ST6GALNAC3: variants seen among roughly 807,000 people sequenced by gnomAD.
ST6GALNAC3 encodes the protein alpha-N-acetylgalactosaminide alpha-2,6-sialyltransferase 3.
In ST6GALNAC3, 25 loss-of-function variants were observed where a neutral mutation model predicts 32.7. That is an observed-to-expected ratio of 0.76 (90% CI 0.56 to 1.07). The LOEUF (loss-of-function observed/expected upper bound fraction) is 1.07. Among genes scored for constraint, ST6GALNAC3 ranks in the 50% least tolerant of loss-of-function variants. The pLI, the probability that ST6GALNAC3 is intolerant of heterozygous loss-of-function variation, is 0.00. For synonymous variants in ST6GALNAC3, 129 were observed against 133.1 expected (o/e 0.97, Z 0.21); for missense variants, 355 against 382.4 (o/e 0.93, Z 0.60).
chr1:76,225,585 G>A (rs918285843), intron 1 of ST6GALNAC3, among the ~76,000 whole-genome samples: 11 of 152,130 alleles, frequency 7.2e-5, no homozygotes, highest in Admixed American at 7.2e-4. Context: ...GTTTATTCAG[G>A]AGCTGGCTTC....
intron 1 of ST6GALNAC3, among the ~76,000 whole-genome samples, chr1:76,303,099 T>A (rs1000915106): frequency 2.0e-5 from 2 of 101,960 alleles, no homozygotes; most frequent in Non-Finnish European, 4.8e-5. Flanking sequence ...AAGGTCACAG[T>A]CCTATGCAAG....
chr1:76,166,252 T>A (rs1460674770), intron 1 of ST6GALNAC3, among the ~76,000 whole-genome samples: 1 of 152,198 alleles, frequency 6.6e-6, no homozygotes, highest in African/African-American at 2.4e-5. Context: ...AACAACTTAC[T>A]GAATAGGGAA....
chr1:76,583,807 G>A (rs895373312), intron 3 of ST6GALNAC3, among the ~76,000 whole-genome samples: 2 of 152,174 alleles, frequency 1.3e-5, no homozygotes, highest in Admixed American at 6.5e-5. Flanking sequence ...GACTGAAGTA[G>A]AATTAATTTT....
At chr1:76,183,930 A>T (rs908484803) in intron 1 of ST6GALNAC3, among the ~76,000 whole-genome samples, 46 of 148,560 alleles carry the variant, frequency 3.1e-4, no homozygotes, top group African/African-American at 1.1e-3. Context: ...ATTATTATAT[A>T]TATACATATA....
At chr1:76,242,295 G>T (rs775524424) in intron 1 of ST6GALNAC3, among the ~76,000 whole-genome samples, 1 of 152,090 alleles carries the variant, frequency 6.6e-6, no homozygotes, top group Non-Finnish European at 1.5e-5. Context: ...GGAAAACCCT[G>T]GGGGAGAGGA....
At chr1:76,514,939 A>G (rs1257080667) in intron 3 of ST6GALNAC3, among the ~76,000 whole-genome samples, 1 of 152,050 alleles carries the variant, frequency 6.6e-6, no homozygotes, top group African/African-American at 2.4e-5. Context: ...GAGAATTTTT[A>G]TGTCTATGTT....
At chr1:76,482,994 C>G (rs1012432473) in intron 3 of ST6GALNAC3, among the ~76,000 whole-genome samples, 4 of 150,716 alleles carry the variant, frequency 2.7e-5, no homozygotes, top group Non-Finnish European at 2.9e-5. Flanking sequence ...TTTGTCCTTG[C>G]GACAGTTTGC....
In ST6GALNAC3 at chr1:76,417,983, G is replaced by A. The variant is rs552599349; in HGVS notation, c.623+5566G>A. Among the ~76,000 whole-genome samples the A allele has an allele frequency of 5.3e-5, 8 of 152,118 alleles. No individual in the cohort carries two copies. The South Asian group carries it at 1.5e-3, about 28-fold the overall frequency. On this transcript the variant is annotated intron_variant, in intron 3 of 4. Transcript: ENST00000328299. ...AATCAATTTCTAAAAACATAAAATGGGACACTGATTTGTGAATACAGTATC... is the reference window on the plus strand; with the variant it reads ...AATCAATTTCTAAAAACATAAAATGAGACACTGATTTGTGAATACAGTATC...
intron 1 of ST6GALNAC3, among the ~76,000 whole-genome samples, chr1:76,272,887 G>A (rs1282107601): frequency 6.6e-6 from 1 of 152,136 alleles, no homozygotes; most frequent in Non-Finnish European, 1.5e-5. Context: ...GGGAACTGAG[G>A]GCTATCTTTT....
intron 1 of ST6GALNAC3, among the ~76,000 whole-genome samples, chr1:76,273,689 A>G (rs1658978938): frequency 6.6e-6 from 1 of 152,262 alleles, no homozygotes; most frequent in South Asian, 2.1e-4. Flanking sequence ...TATTAACATA[A>G]CGTGGCATAT....
chr1:76,299,301 A>G (rs4335414), intron 1 of ST6GALNAC3, among the ~76,000 whole-genome samples: 150,907 of 152,088 alleles, frequency 0.99, 74,874 homozygotes, highest in Middle Eastern at 1. Context: ...TTGATCAGGC[A>G]TACGAAATAC....
chr1:76,113,876 A>G (rs1193282515), intron 1 of ST6GALNAC3, among the ~76,000 whole-genome samples: 2 of 150,766 alleles, frequency 1.3e-5, no homozygotes, highest in African/African-American at 4.9e-5. Flanking sequence ...ACCCAGCTGG[A>G]GTGCAATGGC....
intron 3 of ST6GALNAC3, among the ~76,000 whole-genome samples, chr1:76,609,667 A>T (rs1395790965): frequency 1.3e-5 from 2 of 152,210 alleles, no homozygotes; most frequent in African/African-American, 4.8e-5. Context: ...GCTACATAGT[A>T]TATTTTCTTC....
rs530549771 is a variant in ST6GALNAC3 at position 76,509,237 on chromosome 1, A to G, written c.623+96820A>G. 1.8e-4 allele frequency among the ~76,000 whole-genome samples: 27 copies of G among 152,316 alleles called. No homozygotes were observed. The highest frequency in any genetic ancestry group is 6.3e-4 in the African/African-American group (26 of 41,576). On this transcript the variant is annotated intron_variant, in intron 3 of 4. Coordinates refer to ENST00000328299, the MANE Select transcript of ST6GALNAC3 (RefSeq NM_152996.4). This position sits in a 1 kb window ranked among gnomAD's most constrained non-coding sequence, Gnocchi z 5.5. ...AAACAAACAGGAAAACACAAATTGG[A>G]AGATAAATAAAAGGGGCAGCAGGCA...
At chr1:76,420,994 C>T (rs1337830640) in intron 3 of ST6GALNAC3, among the ~76,000 whole-genome samples, 5 of 151,966 alleles carry the variant, frequency 3.3e-5, no homozygotes, top group Admixed American at 1.3e-4. Flanking sequence ...GGTCCATAAA[C>T]TATTTGAGGG....
At position 76,234,519 on chromosome 1, in the gene ST6GALNAC3, G is replaced by A. The variant is rs183114306; in HGVS notation, c.19-79286G>A. Reference sequence around the variant, plus strand: ...CCGTGCAAATCATAGCAGGAAGGCCGATGCCTATCTCTAGCTAAAGCCTTA... The same window carrying A: ...CCGTGCAAATCATAGCAGGAAGGCCAATGCCTATCTCTAGCTAAAGCCTTA... On this transcript the variant is annotated intron_variant, in intron 1 of 4. Transcript: ENST00000328299. 1.6e-4 allele frequency among the ~76,000 whole-genome samples: 24 copies of A among 152,320 alleles called. 1 individual carries two copies. Among genetic ancestry groups the A allele is most frequent in the Admixed American group, 1.2e-3 (18 of 15,302 alleles).
At chr1:76,432,481 A>G (rs1655833439) in intron 3 of ST6GALNAC3, among the ~76,000 whole-genome samples, 1 of 115,818 alleles carries the variant, frequency 8.6e-6, no homozygotes, top group South Asian at 2.6e-4. Flanking sequence ...TTGAGACAGA[A>G]TCTCACTCTG....
rs1163424380 is a variant in ST6GALNAC3 at position 76,628,738 on chromosome 1, A to G, written c.850A>G (p.Lys284Glu). The G allele has an allele frequency of 1.2e-6, 2 of 1,612,444 alleles. No individual in the cohort carries two copies. The highest frequency in any genetic ancestry group is 2.7e-5 in the African/African-American group (2 of 74,768). ...GGGTCATAGGTTTATCACTGAAAAG[A>G]AAGTGTTTGCTAAATGGGCCAAGAA... ...YGGHRFITEK[K>E]VFAKWAKKHR... The change falls in exon 5 of 5, where the codon AAA (lysine) becomes GAA (glutamate). Residue 284 changes from lysine to glutamate, a missense_variant. By Grantham distance (56) the Lys-to-Glu change is moderately conservative. Coordinates refer to ENST00000328299, the MANE Select transcript of ST6GALNAC3 (RefSeq NM_152996.4).
intron 2 of ST6GALNAC3, among the ~76,000 whole-genome samples, chr1:76,350,713 A>G (rs566131238): frequency 6.6e-6 from 1 of 152,318 alleles, no homozygotes; most frequent in Non-Finnish European, 1.5e-5. Context: ...AAATTACAAT[A>G]ATGGATTAAA....
Sources: allele counts gnomAD v4.1 joint callset (sites outside exome capture counted in the v4.1 genomes callset), GRCh38; gene constraint gnomAD v4.1.1; non-coding constraint Gnocchi (gnomAD v3.1); transcripts MANE v1.5; gene names NCBI Gene and HGNC (gene_info 2026-07-23, HGNC 2026-07-21).